Variants in NXPH1 observed in about 807,000 individuals in gnomAD.
The protein encoded by NXPH1 is neurexophilin-1.
A neutral mutation model predicts 23.7 loss-of-function variants in NXPH1; 5 were observed. The observed-to-expected ratio is 0.21, with a 90% CI of 0.11 to 0.44. The LOEUF is 0.44. Among genes scored for constraint, NXPH1 ranks in the 20% least tolerant of loss-of-function variants. The probability of loss-of-function intolerance (pLI) is 0.99; values close to 1 mark genes in which losing one functional copy is unlikely to be tolerated. For synonymous variants in NXPH1, 144 were observed against 122.2 expected (o/e 1.18, Z -1.18); for missense variants, 324 against 321.6 (o/e 1.01, Z -0.06).
intron 2 of NXPH1, among the ~76,000 whole-genome samples, chr7:8,686,563 A>T (rs1426832414): frequency 6.6e-6 from 1 of 152,142 alleles, no homozygotes; most frequent in Non-Finnish European, 1.5e-5. Flanking sequence ...GTAAAAGTAT[A>T]GTTTCTTTAA....
intron 2 of NXPH1, among the ~76,000 whole-genome samples, chr7:8,441,024 T>G (rs1418313372): frequency 6.6e-6 from 1 of 152,240 alleles, no homozygotes; most frequent in Non-Finnish European, 1.5e-5. Context: ...TTAGGAAGTG[T>G]GCGTTCTTTC....
At chr7:8,660,418 C>G (rs1820653653) in intron 2 of NXPH1, among the ~76,000 whole-genome samples, 1 of 152,058 alleles carries the variant, frequency 6.6e-6, no homozygotes, top group Admixed American at 6.6e-5. Flanking sequence ...AAAAGAGACA[C>G]TAAGCAAAAG....
At chr7:8,616,454 T>G (rs1479966168) in intron 2 of NXPH1, among the ~76,000 whole-genome samples, 1 of 152,058 alleles carries the variant, frequency 6.6e-6, no homozygotes, top group African/African-American at 2.4e-5. Context: ...CCTCGTCATC[T>G]CGACTCAACT....
At chr7:8,537,648 C>A (rs1296446953) in intron 2 of NXPH1, among the ~76,000 whole-genome samples, 1 of 151,864 alleles carries the variant, frequency 6.6e-6, no homozygotes, top group Admixed American at 6.6e-5. Flanking sequence ...GGGGACACAG[C>A]AAAACCATAT....
chr7:8,501,611 C>T (rs1475192896), intron 2 of NXPH1, among the ~76,000 whole-genome samples: 1 of 152,022 alleles, frequency 6.6e-6, no homozygotes, highest in African/African-American at 2.4e-5. Flanking sequence ...CTGGTAGGAA[C>T]TTACATTCTA....
intron 2 of NXPH1, among the ~76,000 whole-genome samples, chr7:8,584,454 T>C (rs568794047): frequency 1.3e-5 from 2 of 152,286 alleles, no homozygotes; most frequent in South Asian, 4.1e-4. Context: ...TTATTATATA[T>C]AAGCTATTTA....
chr7:8,719,831 A>T (rs532033306), intron 2 of NXPH1, among the ~76,000 whole-genome samples: 2 of 152,264 alleles, frequency 1.3e-5, no homozygotes, highest in African/African-American at 4.8e-5. Flanking sequence ...ATTATTAATG[A>T]GTAAAAATAA....
intron 2 of NXPH1, among the ~76,000 whole-genome samples, chr7:8,546,902 T>A (rs1818205056): frequency 6.6e-6 from 1 of 151,428 alleles, no homozygotes; most frequent in Admixed American, 6.6e-5. Flanking sequence ...TTGTATCTCT[T>A]TGACCCTCAA....
chr7:8,574,733 C>T (rs944899844), intron 2 of NXPH1, among the ~76,000 whole-genome samples: 8 of 152,048 alleles, frequency 5.3e-5, no homozygotes, highest in East Asian at 1.9e-4. Flanking sequence ...CCTTGGATTC[C>T]GTCTCCTGCT....
chr7:8,708,841 A>G (rs1779743312), intron 2 of NXPH1, among the ~76,000 whole-genome samples: 1 of 152,180 alleles, frequency 6.6e-6, no homozygotes, highest in Non-Finnish European at 1.5e-5. Flanking sequence ...GCTACTCAAC[A>G]TGTGTTCCAT....
At chr7:8,517,401 G>C (rs553120635) in intron 2 of NXPH1, among the ~76,000 whole-genome samples, 151 of 152,276 alleles carry the variant, frequency 9.9e-4, no homozygotes, top group African/African-American at 3.6e-3. Context: ...TGGAGTGTAT[G>C]ACTGTTGACA....
rs375668340 is a variant in NXPH1, at chr7:8,573,211, A to C, written c.54+137444A>C. Among the ~76,000 whole-genome samples the C allele has an allele frequency of 8.5e-5, 13 of 152,168 alleles. No homozygotes were observed. In the East Asian group the frequency reaches 1.2e-3, roughly 14 times the overall value. ...TAAAAACTCTCTGTTCACATCATTT[A>C]AACCAATCATACATTATATTGGTGA... On this transcript the variant is annotated intron_variant, in intron 2 of 2. Transcript: ENST00000405863.
At chr7:8,686,677 A>G (rs570853197) in intron 2 of NXPH1, among the ~76,000 whole-genome samples, 100 of 152,300 alleles carry the variant, frequency 6.6e-4, no homozygotes, top group African/African-American at 2.3e-3. Context: ...GACAAGTGGC[A>G]TTATTTCATC....
chr7:8,682,870 G>A (rs1583228844), intron 2 of NXPH1, among the ~76,000 whole-genome samples: 1 of 152,170 alleles, frequency 6.6e-6, no homozygotes, highest in Admixed American at 6.5e-5. Context: ...ATATTTTCAG[G>A]TATCAAGAGA....
intron 2 of NXPH1, among the ~76,000 whole-genome samples, chr7:8,462,326 C>T (rs142943713): frequency 9.2e-5 from 14 of 152,298 alleles, no homozygotes; most frequent in Admixed American, 5.2e-4. Flanking sequence ...TCATTACAGG[C>T]GTGAACCACT....
chr7:8,534,226 G>A (rs755815611), intron 2 of NXPH1, among the ~76,000 whole-genome samples: 4 of 151,914 alleles, frequency 2.6e-5, no homozygotes, highest in Admixed American at 6.6e-5. Context: ...GTGCCTCAAA[G>A]ACAACAGTTA....
intron 2 of NXPH1, among the ~76,000 whole-genome samples, chr7:8,454,256 T>G (rs1191159263): frequency 6.6e-6 from 1 of 152,108 alleles, no homozygotes; most frequent in Non-Finnish European, 1.5e-5. Flanking sequence ...AAGGAATTTG[T>G]CGAATGGAAT....
intron 2 of NXPH1, among the ~76,000 whole-genome samples, chr7:8,609,541 C>T (rs1266822592): frequency 6.6e-6 from 1 of 152,088 alleles, no homozygotes; most frequent in Non-Finnish European, 1.5e-5. Context: ...GAGACACTTT[C>T]AGAAAGATTG....
At chr7:8,695,680 T>C (rs989939127) in intron 2 of NXPH1, among the ~76,000 whole-genome samples, 4 of 152,212 alleles carry the variant, frequency 2.6e-5, no homozygotes, top group African/African-American at 9.6e-5. Flanking sequence ...ATACTAAGTA[T>C]TTTGTGCCAT....
Sources: gnomAD v4.1 joint callset for allele counts (sites outside exome capture counted in the v4.1 genomes callset) on GRCh38, gnomAD v4.1.1 for gene constraint, MANE v1.5 for transcripts, NCBI Gene and HGNC (gene_info 2026-07-23, HGNC 2026-07-21) for gene names.